The following ANKHD1 variants were observed in gnomAD, a reference collection of about 807,000 sequenced individuals.
ANKHD1 encodes the protein ankyrin repeat and KH domain containing 1.
Under a neutral mutation model 230.5 loss-of-function variants are expected in ANKHD1, and 31 were observed. That is an observed-to-expected ratio of 0.13 (90% CI 0.10 to 0.18). ANKHD1 has a LOEUF of 0.18. Ranked by LOEUF, ANKHD1 falls within the 10% of genes least tolerant of loss-of-function variation. ANKHD1 has a pLI of 1.00. For synonymous variants in ANKHD1, 1,074 were observed against 1,117.6 expected (o/e 0.96, Z 0.78); for missense variants, 2,256 against 3,071.3 (o/e 0.73, Z 6.27).
intron 1 of ANKHD1, among the ~76,000 whole-genome samples, chr5:140,435,016 T>C (rs931095566): frequency 6.6e-6 from 1 of 152,240 alleles, no homozygotes; most frequent in African/African-American, 2.4e-5. Flanking sequence ...ATGTTTATTT[T>C]TGTAAGTTGA....
rs896136309 is a variant in ANKHD1, at chr5:140,529,340, C to G, written c.6394C>G (p.Arg2132Gly). The G allele has an allele frequency of 1.2e-5, 20 of 1,614,076 alleles. No homozygotes were observed. Among genetic ancestry groups the G allele is most frequent in the Non-Finnish European group, 1.6e-5 (19 of 1,180,050 alleles). The part of the protein sequence containing the change: ...NLPQLAVPAP[R>G]VSHRMQPRGS... ...ACCTCAGTTAGCTGTACCAGCACCT[C>G]GAGTTTCTCATCGAATGCAGCCCAG... The change falls in exon 29 of 34, where the codon CGA becomes GGA. Residue 2132 changes from arginine (R) to glycine (G), a missense_variant. Arg to Gly is a moderately radical substitution (Grantham distance 125, BLOSUM62 -2). Around this residue, in one of 13 missense-constraint regions of ANKHD1, gnomAD observed 778 missense variants for 966.5 expected, o/e 0.80. Transcript: ENST00000360839.
At chr5:140,519,195 A>G (rs1753196415) in intron 24 of ANKHD1, among the ~76,000 whole-genome samples, 1 of 152,226 alleles carries the variant, frequency 6.6e-6, no homozygotes, top group South Asian at 2.1e-4. Context: ...CAAAGAGAAT[A>G]AAATACCTAG....
chr5:140,462,668 T>C (rs1775787342), intron 9 of ANKHD1, among the ~76,000 whole-genome samples: 1 of 139,866 alleles, frequency 7.1e-6, no homozygotes, highest in Admixed American at 8.1e-5. Flanking sequence ...GAGCTTGCAG[T>C]GAGCCGAGAT....
In ANKHD1 at chr5:140,510,132, A is replaced by G; in HGVS notation, c.4055A>G (p.Asp1352Gly). 6.2e-7 allele frequency: 1 copy of G among 1,613,728 alleles called. No homozygotes were observed. The highest frequency in any genetic ancestry group is 1.1e-5 in the South Asian group (1 of 91,052). ...QLLVQAGADV[D>G]AADNRKITPL... ...CTAGTGCAAGCAGGTGCTGATGTGG[A>G]TGCAGCAGATAACCGGAAAATCACA... Residue 1352 changes from aspartate to glycine, a missense_variant, in exon 22 of 34, where the codon GAT becomes GGT. Transcript: ENST00000360839.
chr5:140,429,901 C>G (rs564913947), intron 1 of ANKHD1, among the ~76,000 whole-genome samples: 1 of 152,280 alleles, frequency 6.6e-6, no homozygotes, highest in South Asian at 2.1e-4. Flanking sequence ...AATGATTTTT[C>G]AAACTAGACT....
At chr5:140,418,606 A>C (rs191649780) in intron 1 of ANKHD1, among the ~76,000 whole-genome samples, 18 of 152,250 alleles carry the variant, frequency 1.2e-4, no homozygotes, top group African/African-American at 4.3e-4. Context: ...TTCTGTCTGT[A>C]TGTATTTGCC....
At chr5:140,421,548 A>T (rs1771983983) in intron 1 of ANKHD1, among the ~76,000 whole-genome samples, 1 of 151,886 alleles carries the variant, frequency 6.6e-6, no homozygotes, top group Non-Finnish European at 1.5e-5. Context: ...TGATCCACCC[A>T]CCTTGGCCTC....
intron 1 of ANKHD1, among the ~76,000 whole-genome samples, chr5:140,406,698 C>CTAATTTTT (rs962407100): frequency 6.6e-5 from 10 of 152,030 alleles, no homozygotes; most frequent in African/African-American, 2.4e-4. Context: ...CCATGCCTGG[C>CTAATTTTT]TAATTTTTCT....
At chr5:140,492,216 A>G (rs571092923) in intron 14 of ANKHD1, among the ~76,000 whole-genome samples, 1 of 152,324 alleles carries the variant, frequency 6.6e-6, no homozygotes, top group East Asian at 1.9e-4. Flanking sequence ...ACTTTCCATT[A>G]TATAATCATT....
At chr5:140,537,279 C>T in intron 30 of ANKHD1, 110 bp from the exon 31 acceptor site, 2 of 1,466,814 alleles carry the variant, frequency 1.4e-6, no homozygotes, top group South Asian at 1.5e-5. Context: ...AACAAGGTTT[C>T]TCATATTCTT....
intron 24 of ANKHD1, among the ~76,000 whole-genome samples, chr5:140,514,295 G>C (rs999732450): frequency 6.6e-6 from 1 of 151,652 alleles, no homozygotes; most frequent in Non-Finnish European, 1.5e-5. Flanking sequence ...CAGAGTTTGA[G>C]ACCAGCCTGG....
At chr5:140,447,269 C>T (rs1423130103) in intron 6 of ANKHD1, among the ~76,000 whole-genome samples, 1 of 152,006 alleles carries the variant, frequency 6.6e-6, no homozygotes, top group Non-Finnish European at 1.5e-5. Context: ...GTGGCACTGT[C>T]ATAGCTCACT....
intron 15 of ANKHD1, among the ~76,000 whole-genome samples, chr5:140,504,526 A>G (rs1482059737): frequency 6.6e-6 from 1 of 152,176 alleles, no homozygotes; most frequent in Non-Finnish European, 1.5e-5. Flanking sequence ...TGTGTTAAGT[A>G]TTTTATCTGC....
At chr5:140,430,188 G>A (rs1772925024) in intron 1 of ANKHD1, among the ~76,000 whole-genome samples, 1 of 152,132 alleles carries the variant, frequency 6.6e-6, no homozygotes. Flanking sequence ...TTTGTCTTTA[G>A]TATTTCAGGA....
intron 7 of ANKHD1, among the ~76,000 whole-genome samples, chr5:140,455,860 G>C (rs1258424464): frequency 6.6e-6 from 1 of 152,110 alleles, no homozygotes; most frequent in East Asian, 1.9e-4. Context: ...GGAAGTTCTG[G>C]CCAGGGCAAT....
At chr5:140,478,832 T>C (rs1274196750) in intron 10 of ANKHD1, among the ~76,000 whole-genome samples, 2 of 151,616 alleles carry the variant, frequency 1.3e-5, no homozygotes, top group African/African-American at 2.4e-5. Flanking sequence ...TTAGTAGAGA[T>C]AGGGTTTCTC....
rs139594694 is a variant in ANKHD1, at chr5:140,484,413, A to G, written c.1871-708A>G. ...TTTTCAGGTCATGTTATACACAGCT[A>G]TTGAACAACTTGCCTTTCAGATAAC... On this transcript the variant is annotated intron_variant, in intron 11 of 33. Coordinates refer to ENST00000360839, the MANE Select transcript of ANKHD1 (RefSeq NM_017747.3). Among the ~76,000 whole-genome samples, 574 of 152,340 alleles carry G rather than the reference A, an allele frequency of 3.8e-3. 7 individuals carry two copies. The highest frequency in any genetic ancestry group is 0.013 in the African/African-American group (559 of 41,590).
At chr5:140,492,224 A>G (rs1751841122) in intron 14 of ANKHD1, among the ~76,000 whole-genome samples, 1 of 152,174 alleles carries the variant, frequency 6.6e-6, no homozygotes, top group African/African-American at 2.4e-5. Flanking sequence ...TTATATAATC[A>G]TTCTTATATG....
intron 15 of ANKHD1, among the ~76,000 whole-genome samples, chr5:140,500,965 T>A (rs1262532954): frequency 4.6e-5 from 7 of 152,138 alleles, no homozygotes; most frequent in Admixed American, 4.6e-4. Flanking sequence ...AATTTTAAAG[T>A]ATCTTTAACT....
Sources: allele counts gnomAD v4.1 joint callset (sites outside exome capture counted in the v4.1 genomes callset), GRCh38; gene constraint gnomAD v4.1.1; regional missense constraint gnomAD v4.1.1; transcripts MANE v1.5; gene names NCBI Gene and HGNC (gene_info 2026-07-23, HGNC 2026-07-21).